The following NHSL1 variants were observed in gnomAD, a reference collection of about 807,000 sequenced individuals.
The protein encoded by NHSL1 is NHS-like protein 1.
A neutral mutation model predicts 95.0 loss-of-function variants in NHSL1; 48 were observed. That is an observed-to-expected ratio of 0.51 (90% CI 0.40 to 0.64). The LOEUF is 0.64. Among genes scored for constraint, NHSL1 ranks in the 30% least tolerant of loss-of-function variants. NHSL1 has a pLI of 0.00. For missense variants in NHSL1, 1,971 were observed against 2,077.7 expected (o/e 0.95, Z 1.00); for synonymous variants, 783 against 833.9 (o/e 0.94, Z 1.05).
At chr6:138,578,944 C>G (rs1350933581) in intron 1 of NHSL1, among the ~76,000 whole-genome samples, 1 of 152,154 alleles carries the variant, frequency 6.6e-6, no homozygotes, top group Non-Finnish European at 1.5e-5. Context: ...GCACCAGGGA[C>G]CAGTTTCATG....
upstream of NHSL1, among the ~76,000 whole-genome samples, chr6:138,549,884 C>A (rs199580922): frequency 6.6e-6 from 1 of 152,064 alleles, no homozygotes; most frequent in African/African-American, 2.4e-5. Context: ...GCATTAACCT[C>A]GAGCAATGAC....
In NHSL1 at chr6:138,444,272, T is replaced by TA. The variant is rs760962634; in HGVS notation, c.533-2159dup. Among the ~76,000 whole-genome samples, 406 of 140,072 alleles carry TA rather than the reference T, an allele frequency of 2.9e-3. 2 individuals carry two copies. Among genetic ancestry groups the TA allele is most frequent in the African/African-American group, 8.7e-3 (330 of 38,078 alleles). The allele number at this position is 140,072 out of a possible 152,430, so 91.9% of individuals were successfully genotyped here. On this transcript the variant is annotated intron_variant, in intron 4 of 7. Transcript: ENST00000343505. ...ATTGCTCAATTAAACTCTTTTAAAT[T>TA]AAAAAAAAAAAAAGAAATAAACTTG...
intron 1 of NHSL1, among the ~76,000 whole-genome samples, chr6:138,621,255 G>T (rs560969460): frequency 6.6e-6 from 1 of 152,262 alleles, no homozygotes; most frequent in East Asian, 1.9e-4. Flanking sequence ...TAATAAGTAT[G>T]CTTCATTCAT....
intron 1 of NHSL1, among the ~76,000 whole-genome samples, chr6:138,668,835 G>A (rs916253461): frequency 6.6e-6 from 1 of 152,038 alleles, no homozygotes; most frequent in Non-Finnish European, 1.5e-5. Context: ...TGTTGGCCAG[G>A]ATGGTCTCAA....
At chr6:138,685,522 T>A (rs1417566424) in intron 1 of NHSL1, among the ~76,000 whole-genome samples, 1 of 151,944 alleles carries the variant, frequency 6.6e-6, no homozygotes, top group Non-Finnish European at 1.5e-5. Flanking sequence ...CATGTGACGA[T>A]CCACGCACTC....
intron 1 of NHSL1, among the ~76,000 whole-genome samples, chr6:138,639,280 T>G (rs1298920745): frequency 6.6e-6 from 1 of 152,228 alleles, no homozygotes; most frequent in African/African-American, 2.4e-5. Context: ...GTATAAAGTA[T>G]ATTTCATTTG....
rs373044946 is a variant in NHSL1 at position 138,652,197 on chromosome 6, T to C, written c.96+40279A>G. Among the ~76,000 whole-genome samples, 58 of 152,204 alleles carry C rather than the reference T, an allele frequency of 3.8e-4. No individual in the cohort carries two copies. The East Asian group carries it at 8.1e-3, about 21-fold the overall frequency. On this transcript the variant is annotated intron_variant, in intron 1 of 3. Coordinates refer to the NHSL1 transcript ENST00000491526. ...TGGTTCATGCCTGTAATCCCAGCAC[T>C]GTGGGAGGCTGAGGTGGGCAGATCA...
At chr6:138,589,732 G>A (rs1036791420) in intron 1 of NHSL1, among the ~76,000 whole-genome samples, 2 of 151,936 alleles carry the variant, frequency 1.3e-5, no homozygotes, top group African/African-American at 2.4e-5. Flanking sequence ...TAGATAATAC[G>A]CTCCTTTCCC....
chr6:138,430,908 C>A lies in NHSL1; in HGVS notation c.3437G>T (p.Ser1146Ile), dbSNP rs1388485133. 9.0e-6 allele frequency: 14 copies of A among 1,551,428 alleles called. No individual in the cohort carries two copies. Among genetic ancestry groups the A allele is most frequent in the Non-Finnish European group, 1.2e-5 (14 of 1,146,878 alleles). Residue 1146 changes from serine (S) to isoleucine (I), a missense_variant, in exon 6 of 8, where the codon AGT (serine) becomes ATT (isoleucine). Ser to Ile is a moderately radical substitution (Grantham distance 142, BLOSUM62 -2). Around this residue, in one of 3 missense-constraint regions of NHSL1, gnomAD observed 1,602 missense variants for 1,654.5 expected, o/e 0.97. Coordinates refer to ENST00000343505, the MANE Select transcript of NHSL1 (RefSeq NM_001144060.2). The surrounding 1 kb of genome is among the most constrained non-coding windows in gnomAD (Gnocchi z 4.7). ...SSLPTPAKSSSQGDHGSAAER... is the reference protein window; with the variant it reads ...SSLPTPAKSSIQGDHGSAAER... ...AGCCGCACTGCCATGGTCACCCTGACTCGAGCTCTTGGCAGGCGTCGGAAG... is the reference window on the plus strand; with the variant it reads ...AGCCGCACTGCCATGGTCACCCTGAATCGAGCTCTTGGCAGGCGTCGGAAG...
chr6:138,439,665 T>C (rs1316143966), intron 5 of NHSL1, among the ~76,000 whole-genome samples: 1 of 152,212 alleles, frequency 6.6e-6, no homozygotes, highest in African/African-American at 2.4e-5. Flanking sequence ...TTTTTTGTTT[T>C]AAAAAAACTA....
intron 1 of NHSL1, chr6:138,650,574 C>T: frequency 1.7e-6 from 1 of 590,514 alleles, no homozygotes; most frequent in East Asian, 4.2e-5. Flanking sequence ...AGGGATTAAT[C>T]CAACAAATTC....
intron 1 of NHSL1, among the ~76,000 whole-genome samples, chr6:138,611,015 T>A (rs553971416): frequency 2.6e-5 from 4 of 151,566 alleles, no homozygotes; most frequent in African/African-American, 9.7e-5. Flanking sequence ...AAGGTGGAGG[T>A]TGCAATAAGC....
chr6:138,454,190 C>CGCGCGTGT lies in NHSL1; in HGVS notation c.340-6998_340-6997insACACGCGC, dbSNP rs144366744. On this transcript the variant is annotated intron_variant, in intron 3 of 7. Coordinates refer to ENST00000343505, the MANE Select transcript of NHSL1 (RefSeq NM_001144060.2). ...CTAATTACTCCTTGTTATATGTGTG[C>CGCGCGTGT]GTGTGTGTGTGTGCGTGCGTGCATA... Among the ~76,000 whole-genome samples the CGCGCGTGT allele has an allele frequency of 7.7e-3, 1,165 of 151,240 alleles. 8 individuals are homozygous for CGCGCGTGT. The highest frequency in any genetic ancestry group is 0.023 in the African/African-American group (940 of 41,184).
At chr6:138,617,213 C>T (rs1482584593) in intron 1 of NHSL1, among the ~76,000 whole-genome samples, 1 of 152,114 alleles carries the variant, frequency 6.6e-6, no homozygotes, top group Non-Finnish European at 1.5e-5. Context: ...ACTTTTATAT[C>T]ATAATGACCA....
At chr6:138,620,812 G>A (rs1468915274) in intron 1 of NHSL1, among the ~76,000 whole-genome samples, 3 of 152,196 alleles carry the variant, frequency 2.0e-5, no homozygotes, top group South Asian at 2.1e-4. Context: ...TGAGACTACA[G>A]TAGATGGATC....
At chr6:138,465,656 G>A (rs1333231498) in intron 3 of NHSL1, among the ~76,000 whole-genome samples, 1 of 151,868 alleles carries the variant, frequency 6.6e-6, no homozygotes, top group African/African-American at 2.4e-5. Context: ...CTTAAGGCAT[G>A]TAGAGATATC....
At chr6:138,447,544 TG>T (rs1404255945) in intron 3 of NHSL1, among the ~76,000 whole-genome samples, 1 of 151,958 alleles carries the variant, frequency 6.6e-6, no homozygotes, top group Non-Finnish European at 1.5e-5. Context: ...GAGGCTGAGG[TG>T]GGTGGATCAC....
intron 2 of NHSL1, among the ~76,000 whole-genome samples, chr6:138,495,080 T>C (rs977994471): frequency 6.6e-6 from 1 of 152,040 alleles, no homozygotes; most frequent in Non-Finnish European, 1.5e-5. Flanking sequence ...CCATCTCTAC[T>C]AAAAATACAA....
chr6:138,580,868 G>A (rs746924663), intron 1 of NHSL1, among the ~76,000 whole-genome samples: 10 of 152,170 alleles, frequency 6.6e-5, no homozygotes, highest in South Asian at 2.1e-4. Context: ...GGATTAGCGC[G>A]GGCTAATATA....
Sources: gnomAD v4.1 joint callset for allele counts (sites outside exome capture counted in the v4.1 genomes callset) on GRCh38, gnomAD v4.1.1 for gene constraint, gnomAD v4.1.1 regional missense constraint, Gnocchi (gnomAD v3.1) non-coding constraint, MANE v1.5 for transcripts, NCBI Gene and HGNC (gene_info 2026-07-23, HGNC 2026-07-21) for gene names.